VRK2: variants seen among roughly 807,000 people sequenced by gnomAD.
VRK2 encodes the protein VRK serine/threonine kinase 2, also known as serine/threonine-protein kinase VRK2.
Under a neutral mutation model 57.6 loss-of-function variants are expected in VRK2, and 60 were observed. The ratio of observed to expected loss-of-function variants is 1.04; its 90% CI spans 0.85 to 1.29. VRK2 has a LOEUF of 1.29. Ranked by LOEUF, VRK2 falls within the 50% of genes most tolerant of loss-of-function variation. The pLI, the probability that VRK2 is intolerant of heterozygous loss-of-function variation, is 0.00. For synonymous variants in VRK2, 231 were observed against 199.2 expected (o/e 1.16, Z -1.35); for missense variants, 705 against 588.1 (o/e 1.20, Z -2.06).
intron 1 of VRK2, among the ~76,000 whole-genome samples, chr2:58,003,217 T>C (rs1025799657): frequency 3.3e-5 from 5 of 152,180 alleles, no homozygotes; most frequent in African/African-American, 1.2e-4. Flanking sequence ...GGAGGGCTTA[T>C]TGCCCTTCTT....
chr2:58,085,136 A>G (rs1180793236), intron 4 of VRK2, 186 bp downstream of exon 4: 3 of 169,406 alleles, frequency 1.8e-5, no homozygotes, highest in Admixed American at 6.6e-5. Context: ...GACATGACAT[A>G]CATAATGGGT....
At chr2:58,023,994 T>C (rs1039992339) in intron 1 of VRK2, among the ~76,000 whole-genome samples, 44 of 151,716 alleles carry the variant, frequency 2.9e-4, no homozygotes, top group Non-Finnish European at 5.4e-4. Flanking sequence ...TTTTTTTTTT[T>C]TTGAGACGGA....
intron 1 of VRK2, among the ~76,000 whole-genome samples, chr2:57,928,150 T>C (rs941926677): frequency 6.6e-6 from 1 of 152,164 alleles, no homozygotes; most frequent in Non-Finnish European, 1.5e-5. Flanking sequence ...TCTTTAAGGC[T>C]AATAATTTAG....
intron 1 of VRK2, among the ~76,000 whole-genome samples, chr2:58,003,408 T>G (rs1468615766): frequency 1.3e-5 from 2 of 152,164 alleles, no homozygotes; most frequent in East Asian, 3.8e-4. Context: ...ACCGGGAAAA[T>G]TATTTTATGT....
At chr2:57,978,830 G>T (rs961012400) in intron 1 of VRK2, among the ~76,000 whole-genome samples, 1 of 150,604 alleles carries the variant, frequency 6.6e-6, no homozygotes, top group African/African-American at 2.5e-5. Flanking sequence ...AGGCCCTGGT[G>T]TATGTTGTTC....
At chr2:57,930,349 G>C (rs1670678339) in intron 1 of VRK2, among the ~76,000 whole-genome samples, 1 of 152,106 alleles carries the variant, frequency 6.6e-6, no homozygotes, top group Admixed American at 6.5e-5. Flanking sequence ...GTACAACTCT[G>C]AGTTCCAATG....
At chr2:58,061,433 T>G (rs1019300284) in intron 2 of VRK2, among the ~76,000 whole-genome samples, 12 of 151,920 alleles carry the variant, frequency 7.9e-5, no homozygotes, top group Non-Finnish European at 1.8e-4. Flanking sequence ...ATAATAAAAT[T>G]GTCAGTTAAC....
intron 1 of VRK2, among the ~76,000 whole-genome samples, chr2:57,966,837 T>C (rs995262878): frequency 6.6e-5 from 10 of 152,136 alleles, no homozygotes; most frequent in Non-Finnish European, 1.0e-4. Flanking sequence ...TCAATGTATA[T>C]TGACTAATAA....
At chr2:58,078,468 A>C (rs781732721) in intron 2 of VRK2, among the ~76,000 whole-genome samples, 5 of 152,032 alleles carry the variant, frequency 3.3e-5, no homozygotes, top group Non-Finnish European at 7.4e-5. Flanking sequence ...ATGGGTGTGC[A>C]TGTATTTCTT....
upstream of VRK2, chr2:58,046,394 G>A (rs1470514132): frequency 2.7e-6 from 2 of 743,912 alleles, no homozygotes; most frequent in Admixed American, 1.3e-4. Flanking sequence ...TGGAGTCTTC[G>A]CTAGTACCAA....
intron 1 of VRK2, among the ~76,000 whole-genome samples, chr2:57,939,889 A>G (rs1441965434): frequency 6.6e-6 from 1 of 152,198 alleles, no homozygotes; most frequent in East Asian, 1.9e-4. Context: ...GGGTATTGAT[A>G]AATTTTTTTA....
intron 7 of VRK2, among the ~76,000 whole-genome samples, chr2:58,096,500 T>C (rs1311736085): frequency 6.6e-6 from 1 of 152,038 alleles, no homozygotes; most frequent in Non-Finnish European, 1.5e-5. Context: ...GTTTTTTCAA[T>C]TTTATTTGTG....
At chr2:58,114,855 T>C (rs1307199566) in intron 7 of VRK2, among the ~76,000 whole-genome samples, 2 of 152,146 alleles carry the variant, frequency 1.3e-5, no homozygotes, top group Non-Finnish European at 2.9e-5. Flanking sequence ...GGAAAGGCCA[T>C]TACTTATTCA....
chr2:58,114,668 G>T (rs945863929), intron 7 of VRK2, among the ~76,000 whole-genome samples: 2 of 151,590 alleles, frequency 1.3e-5, no homozygotes, highest in African/African-American at 4.9e-5. Context: ...TGAAGACGGA[G>T]GACCATAAGG....
intron 8 of VRK2, among the ~76,000 whole-genome samples, chr2:58,131,372 G>A (rs1679160661): frequency 6.6e-6 from 1 of 151,424 alleles, no homozygotes; most frequent in Admixed American, 6.6e-5. Context: ...TGTTTAGTCT[G>A]CACTCAGAGG....
At chr2:58,047,501 C>T in intron 1 of VRK2, 1 of 983,010 alleles carries the variant, frequency 1.0e-6, no homozygotes, top group Non-Finnish European at 1.2e-6. Flanking sequence ...CTTACCGCCT[C>T]AAGCCCTGAG....
intron 1 of VRK2, among the ~76,000 whole-genome samples, chr2:57,953,207 T>C (rs1671481574): frequency 6.6e-6 from 1 of 152,344 alleles, no homozygotes; most frequent in East Asian, 1.9e-4. Context: ...GACCTGCTTA[T>C]AAAGGAGAAA....
At chr2:58,087,324 G>A (rs1036493644) in intron 5 of VRK2, among the ~76,000 whole-genome samples, 12 of 152,166 alleles carry the variant, frequency 7.9e-5, no homozygotes, top group African/African-American at 2.7e-4. Flanking sequence ...GTAAAGGACT[G>A]CCACTGGGGG....
At chr2:57,920,778 G>T (rs1009804637) in intron 1 of VRK2, among the ~76,000 whole-genome samples, 1 of 152,062 alleles carries the variant, frequency 6.6e-6, no homozygotes, top group East Asian at 1.9e-4. Flanking sequence ...TCAACTATGG[G>T]TGAGAATTCC....
Sources: allele counts gnomAD v4.1 joint callset (sites outside exome capture counted in the v4.1 genomes callset), GRCh38; gene constraint gnomAD v4.1.1; transcripts MANE v1.5; gene names NCBI Gene and HGNC (gene_info 2026-07-23, HGNC 2026-07-21).